EYS: variants seen among roughly 807,000 people sequenced by gnomAD.
The protein encoded by EYS is EGF-like photoreceptor maintenance factor.
A neutral mutation model predicts 282.1 loss-of-function variants in EYS; 250 were observed. The observed-to-expected ratio is 0.89, with a 90% CI of 0.80 to 0.98. The LOEUF (loss-of-function observed/expected upper bound fraction) is 0.98. Among genes scored for constraint, EYS ranks in the 50% least tolerant of loss-of-function variants. EYS has a pLI of 0.00. For missense variants in EYS, 4,016 were observed against 3,709.0 expected (o/e 1.08, Z -2.15); for synonymous variants, 1,355 against 1,282.9 (o/e 1.06, Z -1.20).
intron 12 of EYS, among the ~76,000 whole-genome samples, chr6:65,118,423 T>G (rs1775440667): frequency 6.6e-6 from 1 of 152,208 alleles, no homozygotes; most frequent in Non-Finnish European, 1.5e-5. Context: ...TTATGTCTGT[T>G]TAGATAGGTC....
chr6:63,858,943 G>T (rs558075586), intron 36 of EYS, among the ~76,000 whole-genome samples: 2 of 151,962 alleles, frequency 1.3e-5, no homozygotes, highest in Non-Finnish European at 2.9e-5. Flanking sequence ...GTGATTATTC[G>T]TGTCCCTGGA....
At chr6:64,219,387 T>C (rs1188570082) in intron 31 of EYS, among the ~76,000 whole-genome samples, 1 of 152,220 alleles carries the variant, frequency 6.6e-6, no homozygotes, top group East Asian at 1.9e-4. Flanking sequence ...CAATAGTCAG[T>C]GTTAGAAGAA....
At position 63,942,863 on chromosome 6, in the gene EYS, C is replaced by T. The variant is rs191331072; in HGVS notation, c.7055+41520G>A. ...AACACTCTTCTTCCTCTTCCTCCTC[C>T]TCAGCCTACTCAATGTGAAGACAAG... On this transcript the variant is annotated intron_variant, in intron 35 of 42. Coordinates refer to ENST00000503581, the MANE Select transcript of EYS (RefSeq NM_001142800.2). 1.1e-3 allele frequency among the ~76,000 whole-genome samples: 173 copies of T among 152,320 alleles called. 3 individuals carry two copies. Among genetic ancestry groups the T allele is most frequent in the African/African-American group, 3.6e-3 (150 of 41,578 alleles).
intron 35 of EYS, among the ~76,000 whole-genome samples, chr6:63,958,641 A>G (rs1312144963): frequency 6.6e-6 from 1 of 152,232 alleles, no homozygotes; most frequent in African/African-American, 2.4e-5. Flanking sequence ...TAGGACTTTC[A>G]TAGGTAGAGA....
chr6:64,984,734 G>T (rs1770795416), intron 14 of EYS, among the ~76,000 whole-genome samples: 1 of 151,380 alleles, frequency 6.6e-6, no homozygotes, highest in South Asian at 2.1e-4. Flanking sequence ...CTGCCTTACA[G>T]TGCAGCCAGG....
chr6:64,062,464 G>T (rs550067491), intron 33 of EYS, among the ~76,000 whole-genome samples: 1 of 152,192 alleles, frequency 6.6e-6, no homozygotes, highest in Admixed American at 6.5e-5. Context: ...GGCTGAGGTG[G>T]GAAGATCACC....
intron 22 of EYS, among the ~76,000 whole-genome samples, chr6:64,652,685 A>G (rs1230858974): frequency 2.0e-5 from 3 of 152,230 alleles, no homozygotes. Flanking sequence ...ATAATTTGTT[A>G]TGCAGCAATA....
intron 15 of EYS, among the ~76,000 whole-genome samples, chr6:64,916,769 A>T (rs1430495654): frequency 1.3e-5 from 2 of 152,222 alleles, no homozygotes; most frequent in Non-Finnish European, 2.9e-5. Context: ...GAAAACAAGT[A>T]AGTGCGTGCC....
intron 29 of EYS, among the ~76,000 whole-genome samples, chr6:64,372,134 T>TTTTG (rs1772396631): frequency 4.9e-5 from 1 of 20,250 alleles, no homozygotes; most frequent in African/African-American, 1.3e-4. Context: ...ACTTGTGTTT[T>TTTTG]TTTTTTTTTT....
chr6:65,516,242 A>C (rs928684673), intron 2 of EYS, among the ~76,000 whole-genome samples: 2 of 152,098 alleles, frequency 1.3e-5, no homozygotes, highest in Non-Finnish European at 2.9e-5. Context: ...TATATGAATA[A>C]ACCTTTTATT....
At chr6:65,181,974 C>T (rs1369489313) in intron 12 of EYS, among the ~76,000 whole-genome samples, 1 of 151,874 alleles carries the variant, frequency 6.6e-6, no homozygotes, top group East Asian at 1.9e-4. Context: ...AAACAAACAC[C>T]ACATGTTCTC....
chr6:65,094,401 C>T (rs898811926), intron 12 of EYS, among the ~76,000 whole-genome samples: 5 of 149,078 alleles, frequency 3.4e-5, no homozygotes, highest in Admixed American at 2.0e-4. Flanking sequence ...TGAAAGATTC[C>T]ATACAATAGC....
intron 22 of EYS, among the ~76,000 whole-genome samples, chr6:64,718,657 T>A (rs191972755): frequency 7.9e-5 from 12 of 152,348 alleles, no homozygotes; most frequent in Non-Finnish European, 1.2e-4. Context: ...ACAGCATAAT[T>A]GACTGTATCT....
At chr6:64,516,194 C>A (rs1777555621) in intron 26 of EYS, among the ~76,000 whole-genome samples, 1 of 151,480 alleles carries the variant, frequency 6.6e-6, no homozygotes, top group South Asian at 2.1e-4. Flanking sequence ...GGGAGAGAAC[C>A]AGGAAAAAGT....
At chr6:63,946,657 C>G (rs1765405587) in intron 35 of EYS, among the ~76,000 whole-genome samples, 1 of 149,410 alleles carries the variant, frequency 6.7e-6, no homozygotes, top group Non-Finnish European at 1.5e-5. Context: ...ACATAGTAAA[C>G]AGAGTAAAAT....
chr6:65,519,706 A>ATT (rs1418670707), intron 2 of EYS, among the ~76,000 whole-genome samples: 30 of 36,592 alleles, frequency 8.2e-4, no homozygotes, highest in East Asian at 1.7e-3. Context: ...ATATATATAT[A>ATT]TATTTTTTTT....
chr6:65,244,803 T>C (rs2150278636), intron 12 of EYS, among the ~76,000 whole-genome samples: 1 of 152,212 alleles, frequency 6.6e-6, no homozygotes, highest in African/African-American at 2.4e-5. Flanking sequence ...ATTACAGGCT[T>C]GAGCCACCGC....
rs544706598 is a variant in EYS at position 64,116,192 on chromosome 6, AC to A, written c.6425-34191del. ...AGACTTGACTTCTGTGGACCTGAAG[AC>A]AGGTCATTTGAAGACGTCCAAAAGT... On this transcript the variant is annotated intron_variant, in intron 31 of 42. Transcript: ENST00000503581. 4.0e-3 allele frequency among the ~76,000 whole-genome samples: 602 copies of A among 152,252 alleles called. 2 individuals carry two copies. The highest frequency in any genetic ancestry group is 0.024 in the Middle Eastern group (7 of 294).
intron 12 of EYS, among the ~76,000 whole-genome samples, chr6:65,187,425 A>T (rs1452194122): frequency 1.3e-5 from 2 of 151,714 alleles, no homozygotes; most frequent in African/African-American, 4.8e-5. Flanking sequence ...GATTTTAGAA[A>T]GTCAAACTCA....
Sources: gnomAD v4.1 joint callset for allele counts (sites outside exome capture counted in the v4.1 genomes callset) on GRCh38, gnomAD v4.1.1 for gene constraint, MANE v1.5 for transcripts, NCBI Gene and HGNC (gene_info 2026-07-23, HGNC 2026-07-21) for gene names.